Variants in CUL4A observed in about 807,000 individuals in gnomAD.
CUL4A encodes the protein cullin 4A.
In CUL4A, 16 loss-of-function variants were observed where a neutral mutation model predicts 95.5. That is an observed-to-expected ratio of 0.17 (90% CI 0.11 to 0.25). The LOEUF (loss-of-function observed/expected upper bound fraction) is 0.25, where lower values mean the gene tolerates loss of function less well. CUL4A is among the 10% of genes least tolerant of loss of function. The pLI, the probability that CUL4A is intolerant of heterozygous loss-of-function variation, is 1.00. For synonymous variants in CUL4A, 380 were observed against 353.1 expected, an observed-to-expected ratio of 1.08 and a Z score of -0.85; for missense variants, 610 against 937.0, an observed-to-expected ratio of 0.65 and a Z score of 4.56.
intron 2 of CUL4A, among the ~76,000 whole-genome samples, chr13:113,212,707 C>T (rs1046677700): frequency 1.3e-5 from 2 of 152,186 alleles, no homozygotes; most frequent in African/African-American, 4.8e-5. Flanking sequence ...ATCGCTTGAA[C>T]CCGGGAGGCG....
chr13:113,234,860 G>A (rs1202585532), intron 7 of CUL4A, among the ~76,000 whole-genome samples: 1 of 152,184 alleles, frequency 6.6e-6, no homozygotes, highest in Admixed American at 6.5e-5. Context: ...TAGGATGGAT[G>A]TTAATATCAG....
At chr13:113,214,916 G>A (rs543719932) in intron 2 of CUL4A, among the ~76,000 whole-genome samples, 19 of 151,264 alleles carry the variant, frequency 1.3e-4, no homozygotes, top group African/African-American at 4.1e-4. Context: ...GTCTCGTCCC[G>A]TGTGGCTGTG....
rs1055698124 is a variant in CUL4A at position 113,252,977 on chromosome 13, C to T, written c.1639-105C>T. 8.9e-6 allele frequency: 5 copies of T among 561,134 alleles called. No homozygotes were observed. The East Asian group carries it at 1.5e-4, about 17-fold the overall frequency. The allele number at this position is 561,134 out of a possible 1,614,324, so 34.8% of individuals were successfully genotyped here. A position where few individuals can be genotyped will look rare whatever the true frequency, so the allele number is the denominator to read the frequency against. ...GAAAGTGTGAGAATATAGAGCTGAC[C>T]TTTTAATTCAGCCGTGAGAAATTGT... is the stretch of plus-strand genomic sequence containing the variant. On this transcript the variant is annotated intron_variant, in intron 15 of 19. Transcript: ENST00000375440.
rs186359467 is a variant in CUL4A, at chr13:113,264,193, T to C, written c.*611T>C. 1 of 152,354 alleles carries C rather than the reference T, an allele frequency of 6.6e-6. No individual in the cohort carries two copies. Among genetic ancestry groups the C allele is most frequent in the East Asian group, 1.9e-4 (1 of 5,182 alleles). The allele number at this position is 152,354 out of a possible 1,614,324, so 9.4% of individuals were successfully genotyped here. On this transcript the variant is annotated 3_prime_UTR_variant, in exon 20 of 20. Transcript: ENST00000375440. Reference sequence around the variant, plus strand: ...ATTTTTCGTAAGTCAGGTTTCTAAGTGAGCTCCCTGAGGTGCCAAGGCCAT... The same window carrying C: ...ATTTTTCGTAAGTCAGGTTTCTAAGCGAGCTCCCTGAGGTGCCAAGGCCAT...
intron 11 of CUL4A, 29 bp downstream of exon 11, chr13:113,243,189 T>A (rs764271331): frequency 1.9e-6 from 3 of 1,574,664 alleles, no homozygotes; most frequent in Non-Finnish European, 2.6e-6. Context: ...TTTTTGTTTG[T>A]TTGTTTTTGA....
At position 113,267,016 on chromosome 13, in the gene CUL4A, A is replaced by G. The variant is rs1179084566; in HGVS notation, c.*3434A>G. ...GAACATCTGAAATTTACTCTTAGCA[A>G]TTTTGAAATGTACAATACTCAATTT... is the stretch of plus-strand genomic sequence containing the variant. On this transcript the variant is annotated 3_prime_UTR_variant, in exon 20 of 20. Transcript: ENST00000375440. 2 of 152,122 alleles carry G rather than the reference A, an allele frequency of 1.3e-5. No individual in the cohort carries two copies. The highest frequency in any genetic ancestry group is 1.5e-5 in the Non-Finnish European group (1 of 68,026). 9.4% of individuals were successfully genotyped at this position (152,122 alleles called of 1,614,324 possible). A position where few individuals can be genotyped will look rare whatever the true frequency, so the allele number is the denominator to read the frequency against.
chr13:113,208,639 G>A (rs1200656993), upstream of CUL4A: 3 of 1,606,754 alleles, frequency 1.9e-6, no homozygotes, highest in African/African-American at 2.7e-5. Context: ...CGCCATGGGA[G>A]CGCCGCCGAA....
At chr13:113,215,607 C>T (rs1449604791) in intron 2 of CUL4A, among the ~76,000 whole-genome samples, 1 of 149,542 alleles carries the variant, frequency 6.7e-6, no homozygotes, top group Non-Finnish European at 1.5e-5. Context: ...AGGTCACGTC[C>T]CGTGTGGCTG....
intron 3 of CUL4A, among the ~76,000 whole-genome samples, chr13:113,224,643 C>T (rs1172861582): frequency 1.3e-5 from 2 of 152,282 alleles, no homozygotes; most frequent in Non-Finnish European, 2.9e-5. Flanking sequence ...CTTAGAAAGA[C>T]TTTGTGCCTG....
At chr13:113,257,811 A>G (rs1228050678) in intron 18 of CUL4A, among the ~76,000 whole-genome samples, 2 of 152,242 alleles carry the variant, frequency 1.3e-5, no homozygotes, top group African/African-American at 2.4e-5. Context: ...TTACATTTAA[A>G]TCTTTCTTTT....
At chr13:113,232,419 T>A (rs1479037391) in intron 5 of CUL4A, among the ~76,000 whole-genome samples, 1 of 151,278 alleles carries the variant, frequency 6.6e-6, no homozygotes, top group East Asian at 1.9e-4. Context: ...CCACTATTAC[T>A]ATTACTGCCA....
intron 2 of CUL4A, among the ~76,000 whole-genome samples, chr13:113,210,329 GAGA>G (rs1342137703): frequency 6.6e-6 from 1 of 152,246 alleles, no homozygotes; most frequent in African/African-American, 2.4e-5. Context: ...CATTACGGAA[GAGA>G]AGGAGGTGTG....
At chr13:113,209,168 C>T (rs2040218014), upstream of CUL4A, among the ~76,000 whole-genome samples, 1 of 146,498 alleles carries the variant, frequency 6.8e-6, no homozygotes, top group Admixed American at 6.7e-5. Flanking sequence ...GGTGGTCTCA[C>T]GCCCGGGGTG....
At chr13:113,239,670 A>C in intron 10 of CUL4A, 119 bp downstream of exon 10, 1 of 671,776 alleles carries the variant, frequency 1.5e-6, no homozygotes, top group East Asian at 2.8e-5. Flanking sequence ...GCCCGTCTGC[A>C]TTTTCATCAC....
At chr13:113,215,919 G>A (rs1477917932) in intron 2 of CUL4A, among the ~76,000 whole-genome samples, 1 of 150,494 alleles carries the variant, frequency 6.6e-6, no homozygotes, top group African/African-American at 2.5e-5. Context: ...CGTCCATGTG[G>A]CTGTGGCGGT....
intron 7 of CUL4A, 80 bp downstream of exon 7, chr13:113,234,066 C>T (rs2041455831): frequency 1.3e-6 from 1 of 774,922 alleles, no homozygotes; most frequent in African/African-American, 1.8e-5. Flanking sequence ...TCATGTTTGC[C>T]TTTTCACACA....
intron 15 of CUL4A, among the ~76,000 whole-genome samples, chr13:113,251,387 A>G (rs2041990769): frequency 6.6e-6 from 1 of 152,214 alleles, no homozygotes; most frequent in South Asian, 2.1e-4. Context: ...GTGAGATCAG[A>G]GGTTAGAATT....
chr13:113,243,294 C>T (rs563733631), intron 11 of CUL4A, 134 bp downstream of exon 11: 43 of 770,236 alleles, frequency 5.6e-5, no homozygotes, highest in East Asian at 8.3e-5. Flanking sequence ...GTGTGGAAAG[C>T]GTTTTTATCA....
upstream of CUL4A, chr13:113,208,988 G>C: frequency 2.0e-6 from 2 of 1,006,944 alleles, no homozygotes; most frequent in Non-Finnish European, 2.4e-6. Flanking sequence ...CCAGGCCGCG[G>C]AGGACCCTCC....
Sources: gnomAD v4.1 joint callset for allele counts (sites outside exome capture counted in the v4.1 genomes callset) on GRCh38, gnomAD v4.1.1 for gene constraint, MANE v1.5 for transcripts, NCBI Gene and HGNC (gene_info 2026-07-23, HGNC 2026-07-21) for gene names.